The following DNAH12 variants were observed in gnomAD, a reference collection of about 807,000 sequenced individuals.
The protein encoded by DNAH12 is axonemal beta dynein heavy chain 12.
DNAH12 carries 285 observed loss-of-function variants against 371.5 expected under a neutral mutation model. That is an observed-to-expected ratio of 0.77 (90% CI 0.70 to 0.85). DNAH12 has a LOEUF of 0.85. Ranked by LOEUF, DNAH12 falls within the 40% of genes least tolerant of loss-of-function variation. The pLI, the probability that DNAH12 is intolerant of heterozygous loss-of-function variation, is 0.00. For missense variants in DNAH12, 3,611 were observed against 3,689.4 expected (o/e 0.98, Z 0.55); for synonymous variants, 1,200 against 1,213.0 (o/e 0.99, Z 0.22).
chr3:57,451,187 A>G (rs2065746473), intron 25 of DNAH12, among the ~76,000 whole-genome samples: 1 of 152,228 alleles, frequency 6.6e-6, no homozygotes, highest in South Asian at 2.1e-4. Flanking sequence ...TTGCCACTTC[A>G]TTTCTGCTTT....
At chr3:57,505,028 C>A (rs1417738439) in intron 8 of DNAH12, among the ~76,000 whole-genome samples, 1 of 152,052 alleles carries the variant, frequency 6.6e-6, no homozygotes, top group Non-Finnish European at 1.5e-5. Context: ...GCTGGAACTA[C>A]ATTCACAAGC....
intron 49 of DNAH12, among the ~76,000 whole-genome samples, chr3:57,383,336 C>T (rs2063434351): frequency 6.6e-6 from 1 of 152,124 alleles, no homozygotes; most frequent in Non-Finnish European, 1.5e-5. Context: ...GTATAAGCAA[C>T]AGACTCTCAA....
intron 29 of DNAH12, among the ~76,000 whole-genome samples, chr3:57,439,833 T>A (rs1054832121): frequency 7.8e-6 from 1 of 127,750 alleles, no homozygotes; most frequent in Middle Eastern, 3.9e-3. Flanking sequence ...ACTTAAACAA[T>A]TGAACAGGAA....
At chr3:57,533,459 T>C (rs1217082262) in intron 2 of DNAH12, among the ~76,000 whole-genome samples, 3 of 151,788 alleles carry the variant, frequency 2.0e-5, no homozygotes, top group African/African-American at 7.3e-5. Context: ...ACCTGGATAA[T>C]TTCAGACAAG....
At chr3:57,347,416 G>A (rs1310218391) in intron 60 of DNAH12, among the ~76,000 whole-genome samples, 1 of 152,100 alleles carries the variant, frequency 6.6e-6, no homozygotes, top group African/African-American at 2.4e-5. Flanking sequence ...ATCAAAAGAT[G>A]TAGAAAAAAC....
chr3:57,538,211 C>G (rs1001836638), intron 2 of DNAH12, among the ~76,000 whole-genome samples: 1 of 144,590 alleles, frequency 6.9e-6, no homozygotes, highest in Non-Finnish European at 1.5e-5. Flanking sequence ...CATTTTTTTT[C>G]TTTTAAATGA....
At chr3:57,548,022 C>T (rs942830530), upstream of DNAH12, among the ~76,000 whole-genome samples, 4 of 152,082 alleles carry the variant, frequency 2.6e-5, no homozygotes, top group Admixed American at 6.6e-5. Flanking sequence ...CAATTTACTA[C>T]GAACAACAAG....
rs373773777 is a variant in DNAH12, at chr3:57,310,428, T to C, written c.10896+289A>G. 1.0e-3 allele frequency among the ~76,000 whole-genome samples: 156 copies of C among 152,326 alleles called. 1 individual carries two copies. Among genetic ancestry groups the C allele is most frequent in the African/African-American group, 3.5e-3 (147 of 41,582 alleles). On this transcript the variant is annotated intron_variant, in intron 67 of 73. Transcript: ENST00000495027. ...CCTGCTAATTTGTTTTTTGTCAGTT[T>C]GATTGGCAGGCCCCTGGCACTGAGC...
At chr3:57,365,015 G>A (rs965459009) in intron 57 of DNAH12, among the ~76,000 whole-genome samples, 10 of 152,312 alleles carry the variant, frequency 6.6e-5, no homozygotes, top group Non-Finnish European at 8.8e-5. Context: ...CTGTTGGTGG[G>A]AATGTAAATT....
chr3:57,522,143 G>C (rs2068471484), intron 4 of DNAH12, among the ~76,000 whole-genome samples: 1 of 152,058 alleles, frequency 6.6e-6, no homozygotes, highest in South Asian at 2.1e-4. Context: ...AGAATCACTA[G>C]AACTTGGGAG....
chr3:57,301,677 TACACACACACACACACACACACAC>T lies in DNAH12; in HGVS notation c.11394+34_11394+57del, dbSNP rs57748737. 322 of 1,152,476 alleles carry T rather than the reference TACACACACACACACACACACACAC, an allele frequency of 2.8e-4. 2 individuals are homozygous for T. The highest frequency in any genetic ancestry group is 2.5e-3 in the Admixed American group (104 of 42,076). 71.4% of individuals were successfully genotyped at this position (1,152,476 alleles called of 1,614,324 possible). The stretch of plus-strand genomic sequence containing the variant: ...ATTTTACATATTTATACATGTATTT[TACACACACACACACACACACACAC>T]ACACACACACACACACACACACACA... On this transcript the variant is annotated intron_variant, in intron 70 of 73. Coordinates refer to ENST00000495027, the MANE Select transcript of DNAH12 (RefSeq NM_001366028.2).
intron 58 of DNAH12, among the ~76,000 whole-genome samples, chr3:57,361,420 A>T (rs956242085): frequency 7.2e-6 from 1 of 139,750 alleles, no homozygotes; most frequent in Admixed American, 7.4e-5. Context: ...ATACACACAC[A>T]CTATATATAT....
chr3:57,496,840 G>A (rs1274537370), intron 11 of DNAH12, among the ~76,000 whole-genome samples: 1 of 152,036 alleles, frequency 6.6e-6, no homozygotes, highest in Non-Finnish European at 1.5e-5. Flanking sequence ...GTGGTGGCAC[G>A]CTCCTGTAAT....
chr3:57,385,785 G>A (rs2063488719), intron 47 of DNAH12, among the ~76,000 whole-genome samples: 1 of 152,130 alleles, frequency 6.6e-6, no homozygotes. Flanking sequence ...GGGAGGGTGA[G>A]ACAGGAGAAT....
intron 43 of DNAH12, among the ~76,000 whole-genome samples, chr3:57,402,885 ATAGT>A (rs2153352062): frequency 6.6e-6 from 1 of 152,360 alleles, no homozygotes; most frequent in Admixed American, 6.5e-5. Flanking sequence ...TGCTGACTCC[ATAGT>A]TATTCATTTT....
At chr3:57,461,906 G>C (rs1387084412) in intron 18 of DNAH12, among the ~76,000 whole-genome samples, 1 of 152,146 alleles carries the variant, frequency 6.6e-6, no homozygotes, top group Non-Finnish European at 1.5e-5. Context: ...GAATTCACTT[G>C]CTATGAAAAC....
At chr3:57,433,253 G>T in intron 32 of DNAH12, 114 bp downstream of exon 32, 3 of 1,239,922 alleles carry the variant, frequency 2.4e-6, no homozygotes, top group Non-Finnish European at 3.2e-6. Flanking sequence ...TACTCAACTT[G>T]CTGCATCCTT....
chr3:57,392,982 C>G lies in DNAH12; in HGVS notation c.7111-916G>C, dbSNP rs948297020. On this transcript the variant is annotated intron_variant, in intron 44 of 73. Transcript: ENST00000495027. ...ACATATCCCAGATAAAAGCAAAGAA[C>G]ATGGGTTTTTGTTGTTGTTGTTGTT... Among the ~76,000 whole-genome samples, 13 of 152,256 alleles carry G rather than the reference C, an allele frequency of 8.5e-5. No homozygotes were observed. In the East Asian group the frequency reaches 2.5e-3, roughly 29 times the overall value.
chr3:57,551,180 T>C, the DNAH12 span, among the ~76,000 whole-genome samples: 1 of 152,152 alleles, frequency 6.6e-6, no homozygotes, highest in East Asian at 1.9e-4. Flanking sequence ...CAAAAATTTT[T>C]AAACAAAAGC....
Sources: gnomAD v4.1 joint callset for allele counts (sites outside exome capture counted in the v4.1 genomes callset) on GRCh38, gnomAD v4.1.1 for gene constraint, MANE v1.5 for transcripts, NCBI Gene and HGNC (gene_info 2026-07-23, HGNC 2026-07-21) for gene names.